Variants in C6 observed in about 807,000 individuals in gnomAD.
C6 encodes the protein complement C6.
In C6, 101 loss-of-function variants were observed where a neutral mutation model predicts 112.9. That is an observed-to-expected ratio of 0.89 (90% CI 0.76 to 1.06). The LOEUF (loss-of-function observed/expected upper bound fraction) is 1.06. Ranked by LOEUF, C6 falls within the 50% of genes least tolerant of loss-of-function variation. The pLI is 0.00. For synonymous variants in C6, 431 were observed against 384.1 expected, an observed-to-expected ratio of 1.12 and a Z score of -1.43; for missense variants, 1,202 against 1,104.6, an observed-to-expected ratio of 1.09 and a Z score of -1.25.
At chr5:41,163,696 T>C (rs1250528147) in intron 9 of C6, among the ~76,000 whole-genome samples, 1 of 152,198 alleles carries the variant, frequency 6.6e-6, no homozygotes, top group Non-Finnish European at 1.5e-5. Context: ...TAAAAAACAA[T>C]TTCCATTTTT....
chr5:41,242,297 T>C (rs1740766840), intron 1 of C6, among the ~76,000 whole-genome samples: 1 of 152,114 alleles, frequency 6.6e-6, no homozygotes, highest in South Asian at 2.1e-4. Flanking sequence ...GATCTGATCA[T>C]CTTATAAGCG....
intron 1 of C6, among the ~76,000 whole-genome samples, chr5:41,250,705 G>T (rs1741297494): frequency 6.6e-6 from 1 of 152,146 alleles, no homozygotes; most frequent in Non-Finnish European, 1.5e-5. Flanking sequence ...CCAAGCTTGA[G>T]CCCAGATGAC....
intron 1 of C6, among the ~76,000 whole-genome samples, chr5:41,229,675 A>T (rs1739763854): frequency 6.6e-6 from 1 of 152,092 alleles, no homozygotes; most frequent in Non-Finnish European, 1.5e-5. Flanking sequence ...AATGTTTTGT[A>T]TATGCCTTTA....
Position 41,158,715 on chromosome 5 carries a change from C to T in C6, c.1927G>A (p.Gly643Arg), listed in dbSNP as rs199552869. 108 of 1,611,122 alleles carry T rather than the reference C, an allele frequency of 6.7e-5. 1 individual carries two copies. Among genetic ancestry groups the T allele is most frequent in the Admixed American group, 8.3e-5 (5 of 59,922 alleles). ...VDLPEIEADSGCPQPVPPENG... is the reference protein window; with the variant it reads ...VDLPEIEADSRCPQPVPPENG... The stretch of plus-strand genomic sequence containing the variant: ...TCTGGAGGAACTGGCTGAGGACACC[C>T]GGAATCTGCTTCTATCTCAGGAAGA... Residue 643 changes from glycine (G) to arginine (R), a missense_variant, in exon 13 of 18, where the codon GGG becomes AGG. Coordinates refer to ENST00000337836, the MANE Select transcript of C6 (RefSeq NM_000065.5).
chr5:41,161,923 CA>C (rs1747554959), intron 9 of C6, 64 bp from the exon 10 acceptor site: 1 of 1,511,902 alleles, frequency 6.6e-7, no homozygotes, highest in Admixed American at 1.7e-5. Flanking sequence ...CTAAAACAAA[CA>C]AACAAAAACC....
rs575516500 is a variant in C6 at position 41,187,137 on chromosome 5, A to G, written c.588-929T>C. On this transcript the variant is annotated intron_variant, in intron 5 of 17. Transcript: ENST00000337836. ...TAACCTTGTCTTTCATAGAACATGT[A>G]GTGTAGTTCTACAGAATATCACTGG... is the stretch of plus-strand genomic sequence containing the variant. 6.6e-5 allele frequency among the ~76,000 whole-genome samples: 10 copies of G among 152,310 alleles called. No individual in the cohort carries two copies. The East Asian group carries it at 1.9e-3, about 29-fold the overall frequency.
At chr5:41,180,129 G>A (rs1312097890) in intron 7 of C6, among the ~76,000 whole-genome samples, 1 of 152,152 alleles carries the variant, frequency 6.6e-6, no homozygotes, top group Non-Finnish European at 1.5e-5. Flanking sequence ...TCCACACAGT[G>A]CTTTAGGTCT....
At position 41,142,638 on chromosome 5, in the gene C6, G is replaced by A. The variant is rs751348836; in HGVS notation, c.*187C>T. 3.2e-6 allele frequency: 2 copies of A among 623,206 alleles called. No homozygotes were observed. The highest frequency in any genetic ancestry group is 5.8e-6 in the Non-Finnish European group (2 of 342,330). 38.6% of individuals were successfully genotyped at this position (623,206 alleles called of 1,614,324 possible). On this transcript the variant is annotated 3_prime_UTR_variant, in exon 18 of 18. Transcript: ENST00000337836. ...GTATGCTACAGGGCGTCATGAGCTG[G>A]AACTGAATAAGACATGCCCAAACAG...
At chr5:41,196,416 GTGATTC>G (rs1750624139) in intron 4 of C6, among the ~76,000 whole-genome samples, 1 of 151,934 alleles carries the variant, frequency 6.6e-6, no homozygotes, top group Admixed American at 6.6e-5. Flanking sequence ...GTCATGTCAT[GTGATTC>G]CTTTATATGA....
chr5:41,155,382 T>G (rs1746801071), intron 13 of C6, among the ~76,000 whole-genome samples: 1 of 152,140 alleles, frequency 6.6e-6, no homozygotes. Context: ...TTGTTTGTTT[T>G]TTTAACTTGA....
intron 13 of C6, among the ~76,000 whole-genome samples, chr5:41,158,207 A>AT (rs1336808363): frequency 6.6e-6 from 1 of 152,108 alleles, no homozygotes; most frequent in Admixed American, 6.6e-5. Context: ...TAAAAAAAAA[A>AT]GTTGAAACTT....
rs762327241 is a variant in C6, at chr5:41,201,628, C to T, written c.230G>A (p.Arg77Lys). The change falls in exon 3 of 18, where the codon AGA becomes AAA. Residue 77 changes from arginine to lysine, a missense_variant. By Grantham distance (26) the Arg-to-Lys change is conservative. Transcript: ENST00000337836. ...KQETRECNWQ[R>K]CPINCLLGDF... ...TCCCAGGAGGCAGTTGATGGGGCAT[C>T]TTTGCCAGTTACATTCTCTAGTCTC... is the stretch of plus-strand genomic sequence containing the variant. 1.2e-6 allele frequency: 2 copies of T among 1,613,578 alleles called. No individual in the cohort carries two copies. Among genetic ancestry groups the T allele is most frequent in the Non-Finnish European group, 1.7e-6 (2 of 1,179,886 alleles).
At chr5:41,177,119 G>A (rs1210058544) in intron 7 of C6, among the ~76,000 whole-genome samples, 1 of 152,202 alleles carries the variant, frequency 6.6e-6, no homozygotes, top group Non-Finnish European at 1.5e-5. Context: ...ATGCAACTGA[G>A]ATGGAGGTTA....
intron 1 of C6, among the ~76,000 whole-genome samples, chr5:41,259,455 C>A (rs1200746940): frequency 6.7e-6 from 1 of 150,060 alleles, no homozygotes; most frequent in Admixed American, 6.7e-5. Flanking sequence ...TTCTATTTTT[C>A]AGGTCAGTCC....
rs1580231966 is a variant in C6, at chr5:41,231,062, C to T, written c.-20-27812G>A. ...TGGAGTATCTTTTTCTATTCTTTCA[C>T]TTTCAATCTATGTGCATCTTTAAAG... On this transcript the variant is annotated intron_variant, in intron 1 of 17. Coordinates refer to the C6 transcript ENST00000263413. 2.0e-5 allele frequency among the ~76,000 whole-genome samples: 3 copies of T among 152,232 alleles called. No homozygotes were observed. The Middle Eastern group carries it at 0.01, about 518-fold the overall frequency.
At chr5:41,143,780 G>C (rs1032630558) in intron 17 of C6, among the ~76,000 whole-genome samples, 1 of 152,088 alleles carries the variant, frequency 6.6e-6, no homozygotes, top group Non-Finnish European at 1.5e-5. Flanking sequence ...ATTGGGTTAT[G>C]CCTGGGGATC....
At position 41,200,620 on chromosome 5, in the gene C6, G is replaced by A. The variant is rs550502449; in HGVS notation, c.301-708C>T. 2.6e-5 allele frequency among the ~76,000 whole-genome samples: 4 copies of A among 152,288 alleles called. No individual in the cohort carries two copies. The East Asian group carries it at 7.7e-4, about 29-fold the overall frequency. The stretch of plus-strand genomic sequence containing the variant: ...CTAGAACAGTTCCCCTCAGAAAGTA[G>A]CTGTTCCACAAATGAGTTTCTTTTT... On this transcript the variant is annotated intron_variant, in intron 3 of 17. Coordinates refer to ENST00000337836, the MANE Select transcript of C6 (RefSeq NM_000065.5).
chr5:41,157,298 G>C (rs76379205), intron 13 of C6, among the ~76,000 whole-genome samples: 4,458 of 152,256 alleles, frequency 0.029, 208 homozygotes, highest in African/African-American at 0.1. Context: ...TTAAAAATGA[G>C]AATGTCAATA....
rs369381506 is a variant in C6, at chr5:41,176,576, C to A, written c.1067G>T (p.Arg356Leu). Residue 356 changes from arginine (R) to leucine (L), a missense_variant, in exon 8 of 18, where the codon CGA (arginine) becomes CTA (leucine). Coordinates refer to ENST00000337836, the MANE Select transcript of C6 (RefSeq NM_000065.5). ...ATGAGTCCCAAAGTCATCGAATATT[C>A]GGCTGTACAAAGCAGAGTTGTATTC... ...PLEYNSALYS[R>L]IFDDFGTHYF... The A allele has an allele frequency of 3.7e-6, 6 of 1,613,852 alleles. No homozygotes were observed. The African/African-American group carries it at 8.0e-5, about 22-fold the overall frequency.
Sources: gnomAD v4.1 joint callset for allele counts (sites outside exome capture counted in the v4.1 genomes callset) on GRCh38, gnomAD v4.1.1 for gene constraint, MANE v1.5 for transcripts, NCBI Gene and HGNC (gene_info 2026-07-23, HGNC 2026-07-21) for gene names.